The following CSMD1 variants were observed in gnomAD, a reference collection of about 807,000 sequenced individuals.
CSMD1 encodes CUB and Sushi multiple domains 1.
In CSMD1, 213 loss-of-function variants were observed where a neutral mutation model predicts 417.5. The observed-to-expected ratio is 0.51, with a 90% confidence interval of 0.46 to 0.57. The LOEUF is 0.57. Among genes scored for constraint, CSMD1 ranks in the 20% least tolerant of loss-of-function variants. The probability of loss-of-function intolerance (pLI) is 0.00; values close to 1 mark genes in which losing one functional copy is unlikely to be tolerated. For missense variants in CSMD1, 6,923 were observed against 4,529.7 expected (o/e 1.53, Z -15.17); for synonymous variants, 2,862 against 1,736.8 (o/e 1.65, Z -16.11).
At chr8:4,604,899 G>A (rs920270459) in intron 2 of CSMD1, among the ~76,000 whole-genome samples, 24 of 152,262 alleles carry the variant, frequency 1.6e-4, no homozygotes, top group African/African-American at 4.8e-4. Flanking sequence ...GACGGTGTTC[G>A]GGGTTCAGAA....
intron 21 of CSMD1, among the ~76,000 whole-genome samples, chr8:3,349,734 T>C (rs1808266148): frequency 6.8e-6 from 1 of 147,050 alleles, no homozygotes; most frequent in Admixed American, 6.9e-5. Context: ...ATATCTATAA[T>C]ATATAAATAC....
intron 25 of CSMD1, among the ~76,000 whole-genome samples, chr8:3,303,249 A>G (rs2117354420): frequency 6.6e-6 from 1 of 150,540 alleles, no homozygotes; most frequent in East Asian, 1.9e-4. Flanking sequence ...CTGGGGATAA[A>G]TGTATAGTTT....
intron 6 of CSMD1, among the ~76,000 whole-genome samples, chr8:3,731,967 T>A (rs959285375): frequency 6.6e-6 from 1 of 152,156 alleles, no homozygotes; most frequent in Non-Finnish European, 1.5e-5. Context: ...GGGCTCTCAC[T>A]GAACTCAGCA....
At chr8:4,495,825 T>C (rs376606345) in intron 2 of CSMD1, among the ~76,000 whole-genome samples, 2 of 152,218 alleles carry the variant, frequency 1.3e-5, no homozygotes, top group African/African-American at 4.8e-5. Flanking sequence ...ATAGCCTCTT[T>C]ATCAACAAAT....
intron 5 of CSMD1, among the ~76,000 whole-genome samples, chr8:3,983,284 C>A (rs1198923290): frequency 6.6e-6 from 1 of 152,028 alleles, no homozygotes; most frequent in African/African-American, 2.4e-5. Flanking sequence ...GCGCCCACCA[C>A]CACGCCCGGC....
chr8:4,626,244 G>C (rs967477228), intron 2 of CSMD1, among the ~76,000 whole-genome samples: 1 of 152,072 alleles, frequency 6.6e-6, no homozygotes, highest in African/African-American at 2.4e-5. Context: ...GCAATCCCTT[G>C]TGTTATTTCT....
At chr8:3,625,646 A>G (rs895048079) in intron 7 of CSMD1, among the ~76,000 whole-genome samples, 1 of 152,160 alleles carries the variant, frequency 6.6e-6, no homozygotes, top group Non-Finnish European at 1.5e-5. Context: ...TATATAAATG[A>G]TACACTAAAA....
At chr8:4,433,826 C>G (rs1226413954) in intron 2 of CSMD1, among the ~76,000 whole-genome samples, 1 of 148,596 alleles carries the variant, frequency 6.7e-6, no homozygotes, top group Non-Finnish European at 1.5e-5. Context: ...TTTAATGAAT[C>G]TGGAAAAAAA....
At chr8:3,299,587 G>T (rs1169294112) in intron 25 of CSMD1, among the ~76,000 whole-genome samples, 1 of 149,130 alleles carries the variant, frequency 6.7e-6, no homozygotes, top group Non-Finnish European at 1.5e-5. Context: ...CCACCATACA[G>T]CGGACATAGG....
intron 1 of CSMD1, among the ~76,000 whole-genome samples, chr8:4,751,994 G>A (rs1011418367): frequency 6.6e-6 from 1 of 152,252 alleles, no homozygotes; most frequent in East Asian, 1.9e-4. Context: ...ATATATGCGT[G>A]TATACACAAA....
chr8:3,634,463 A>C (rs1440836583), intron 7 of CSMD1, among the ~76,000 whole-genome samples: 1 of 152,152 alleles, frequency 6.6e-6, no homozygotes, highest in East Asian at 1.9e-4. Context: ...TGCTGTCGGC[A>C]CAACTCTACT....
chr8:3,223,737 T>G lies in CSMD1; in HGVS notation c.4476A>C (p.Ile1492=), dbSNP rs1367758981. The G allele has an allele frequency of 6.2e-7, 1 of 1,613,902 alleles. No homozygotes were observed. Among genetic ancestry groups the G allele is most frequent in the African/African-American group, 1.3e-5 (1 of 75,036 alleles). The change falls in exon 28 of 70, where the codon ATA becomes ATC. Residue 1492 remains isoleucine, a synonymous_variant. Transcript: ENST00000635120. ...KVNPDFVIAL[I]FKSFNMEPSY... is the part of the protein sequence containing the mutation. The stretch of plus-strand genomic sequence containing the variant: ...TCTGCAAGAGACGGTACCTTTTGAA[T>G]ATCAAGGCGATGACAAAGTCCGGGT...
rs80200382 is a variant in CSMD1, at chr8:4,348,014, T to C, written c.415+71939A>G. ...AACATGCGTCACTTATTTTACTATA[T>C]GCATAAAGAGGAAAAAAACAGATTA... On this transcript the variant is annotated intron_variant, in intron 3 of 69. Transcript: ENST00000635120. Among the ~76,000 whole-genome samples, 95 of 152,184 alleles carry C rather than the reference T, an allele frequency of 6.2e-4. 2 individuals are homozygous for C. The East Asian group carries it at 0.016, about 25-fold the overall frequency.
intron 10 of CSMD1, among the ~76,000 whole-genome samples, chr8:3,500,200 G>C (rs76155514): frequency 2.0e-5 from 3 of 152,062 alleles, no homozygotes; most frequent in Admixed American, 6.6e-5. Flanking sequence ...TGTTGCTTCA[G>C]TACAGTGTTC....
intron 3 of CSMD1, among the ~76,000 whole-genome samples, chr8:4,192,829 C>G (rs898236707): frequency 6.6e-6 from 1 of 152,172 alleles, no homozygotes; most frequent in African/African-American, 2.4e-5. Flanking sequence ...GTGGTAAACG[C>G]TATTAAGCCC....
At chr8:4,027,491 G>A (rs767114197) in intron 4 of CSMD1, among the ~76,000 whole-genome samples, 1 of 152,080 alleles carries the variant, frequency 6.6e-6, no homozygotes, top group Non-Finnish European at 1.5e-5. Context: ...AGATATGATG[G>A]CTTTATAAGG....
intron 5 of CSMD1, among the ~76,000 whole-genome samples, chr8:3,965,721 G>C (rs1266168663): frequency 6.6e-6 from 1 of 152,082 alleles, no homozygotes; most frequent in Admixed American, 6.6e-5. Flanking sequence ...ACTTTCCGGA[G>C]ATTCTCCTGC....
Position 3,793,722 on chromosome 8 carries a change from G to A in CSMD1, c.819-39680C>T, listed in dbSNP as rs540992883. Among the ~76,000 whole-genome samples, 62 of 152,220 alleles carry A rather than the reference G, an allele frequency of 4.1e-4. 1 individual carries two copies. The highest frequency in any genetic ancestry group is 1.4e-3 in the African/African-American group (60 of 41,530). ...AGTTAATATGTTTATTTGTGGTCTT[G>A]TGCACTTTTTATTTTCGTAGGATCT... On this transcript the variant is annotated intron_variant, in intron 5 of 69. Coordinates refer to ENST00000635120, the MANE Select transcript of CSMD1 (RefSeq NM_033225.6).
chr8:4,758,185 T>C (rs1437456931), intron 1 of CSMD1, among the ~76,000 whole-genome samples: 1 of 152,148 alleles, frequency 6.6e-6, no homozygotes, highest in African/African-American at 2.4e-5. Flanking sequence ...TTCCTTCTGA[T>C]AACAAGAGTT....
Sources: gnomAD v4.1 joint callset for allele counts (sites outside exome capture counted in the v4.1 genomes callset) on GRCh38, gnomAD v4.1.1 for gene constraint, MANE v1.5 for transcripts, NCBI Gene and HGNC (gene_info 2026-07-23, HGNC 2026-07-21) for gene names.